Variants in DOCK8 observed in about 807,000 individuals in gnomAD.
DOCK8 encodes the protein dedicator of cytokinesis 8, also known as dedicator of cytokinesis protein 8.
Under a neutral mutation model 245.6 loss-of-function variants are expected in DOCK8, and 141 were observed. That is an observed-to-expected ratio of 0.57 (90% CI 0.50 to 0.66). DOCK8 has a LOEUF of 0.66. Among genes scored for constraint, DOCK8 ranks in the 30% least tolerant of loss-of-function variants. The probability of loss-of-function intolerance (pLI) is 0.00; values close to 1 mark genes in which losing one functional copy is unlikely to be tolerated. For synonymous variants in DOCK8, 1,168 were observed against 970.2 expected (o/e 1.20, Z -3.79); for missense variants, 2,965 against 2,603.4 (o/e 1.14, Z -3.02).
At chr9:335,771 G>A (rs1388581625) in intron 11 of DOCK8, among the ~76,000 whole-genome samples, 1 of 152,130 alleles carries the variant, frequency 6.6e-6, no homozygotes. Context: ...ATGCAAAGAT[G>A]TCATGTATTA....
At position 429,770 on chromosome 9, in the gene DOCK8, C is replaced by G; in HGVS notation, c.4542C>G (p.His1514Gln). 6.2e-7 allele frequency: 1 copy of G among 1,614,196 alleles called. No homozygotes were observed. Among genetic ancestry groups the G allele is most frequent in the Non-Finnish European group, 8.5e-7 (1 of 1,180,038 alleles). ...CFDLCHQVLH[H>Q]CSSSMDVTRS... ...ACCTATGTCACCAAGTCCTGCACCA[C>G]TGCAGCAGCAGCATGGATGTCACCC... The change falls in exon 36 of 48, where the codon CAC becomes CAG. Residue 1514 changes from histidine to glutamine, a missense_variant. His to Gln is a conservative substitution (Grantham distance 24). Around this residue, in one of 3 missense-constraint regions of DOCK8, gnomAD observed 2,825 missense variants for 2,453.5 expected, o/e 1.15. Transcript: ENST00000432829.
chr9:214,690 C>T (rs1416668331), upstream of DOCK8: 18 of 1,575,194 alleles, frequency 1.1e-5, no homozygotes, highest in Admixed American at 2.4e-4. Context: ...CAGAGCGCGC[C>T]GTCTGCCCCA....
chr9:395,619 T>C (rs1056128233), intron 24 of DOCK8, among the ~76,000 whole-genome samples: 1 of 151,906 alleles, frequency 6.6e-6, no homozygotes, highest in Admixed American at 6.6e-5. Flanking sequence ...GTTTTCAGAG[T>C]GTAGGGACCC....
chr9:418,881 T>C (rs967378187), intron 30 of DOCK8, among the ~76,000 whole-genome samples: 3 of 144,560 alleles, frequency 2.1e-5, no homozygotes, highest in African/African-American at 7.8e-5. Flanking sequence ...TACAGTGTAA[T>C]GCCTCCAAAA....
In DOCK8 at chr9:463,718, G is replaced by A. The variant is rs527956342; in HGVS notation, c.6239+31G>A. 6 of 1,613,238 alleles carry A rather than the reference G, an allele frequency of 3.7e-6. No homozygotes were observed. In the South Asian group the frequency reaches 6.6e-5, roughly 18 times the overall value. ...AACAGGGCAGAGGAGGCCTCTTCCTGTGGGATAAAGAGCAGCGCATGGGGC... is the reference window on the plus strand; with the variant it reads ...AACAGGGCAGAGGAGGCCTCTTCCTATGGGATAAAGAGCAGCGCATGGGGC... On this transcript the variant is annotated intron_variant, in intron 47 of 47. Coordinates refer to ENST00000432829, the MANE Select transcript of DOCK8 (RefSeq NM_203447.4).
chr9:368,873 G>A (rs1452745453), intron 15 of DOCK8: 1 of 137,272 alleles, frequency 7.3e-6, no homozygotes, highest in African/African-American at 2.7e-5. Context: ...CCAGGCTGGA[G>A]TACAATGGCC....
intron 1 of DOCK8, among the ~76,000 whole-genome samples, chr9:263,630 T>C (rs963045387): frequency 1.3e-5 from 2 of 152,222 alleles, no homozygotes; most frequent in African/African-American, 2.4e-5. Context: ...TTTATTTTAG[T>C]ATGGCTCTGC....
At chr9:427,277 T>C (rs576549815) in intron 34 of DOCK8, among the ~76,000 whole-genome samples, 2 of 152,268 alleles carry the variant, frequency 1.3e-5, no homozygotes, top group Non-Finnish European at 2.9e-5. Context: ...AATATGGATG[T>C]TGGGTTTATC....
At chr9:211,769 C>T (rs766878043), upstream of DOCK8, among the ~76,000 whole-genome samples, 8 of 152,086 alleles carry the variant, frequency 5.3e-5, no homozygotes, top group Non-Finnish European at 8.8e-5. Flanking sequence ...GACCGTGTGA[C>T]TTACTCGGGA....
chr9:221,938 A>T (rs973727289), intron 1 of DOCK8, among the ~76,000 whole-genome samples: 4 of 151,946 alleles, frequency 2.6e-5, no homozygotes, highest in African/African-American at 9.7e-5. Context: ...TTATTAAATT[A>T]ATTTTCTATT....
upstream of DOCK8, among the ~76,000 whole-genome samples, chr9:211,353 G>A (rs1483600794): frequency 1.3e-5 from 2 of 152,062 alleles, no homozygotes; most frequent in East Asian, 1.9e-4. Context: ...GTGGGCATAC[G>A]AGCTAGCTAG....
chr9:444,151 T>C (rs1185604987), intron 43 of DOCK8, among the ~76,000 whole-genome samples: 2 of 151,980 alleles, frequency 1.3e-5, no homozygotes. Context: ...TGTACAGTTC[T>C]GATGCTAACA....
chr9:363,188 A>C (rs912733926), intron 14 of DOCK8, among the ~76,000 whole-genome samples: 1 of 152,224 alleles, frequency 6.6e-6, no homozygotes, highest in Non-Finnish European at 1.5e-5. Flanking sequence ...ATGTGACTGA[A>C]AAAAACCACT....
At position 441,390 on chromosome 9, in the gene DOCK8, G is replaced by A. The variant is rs2131810189; in HGVS notation, c.5328G>A (p.Gln1776=). Reference sequence around the variant, plus strand: ...TGACACTCACTCACAGCAAGCTGCAGAGAGCCTTCGACAGCATCGTTAACA... The same window carrying A: ...TGACACTCACTCACAGCAAGCTGCAAAGAGCCTTCGACAGCATCGTTAACA... The part of the protein sequence containing the change: ...RKLTLTHSKL[Q]RAFDSIVNKD... Residue 1776 remains glutamine (Q), a synonymous_variant, in exon 41 of 48, where the codon CAG becomes CAA. Transcript: ENST00000432829. 1 of 1,614,200 alleles carries A rather than the reference G, an allele frequency of 6.2e-7. No individual in the cohort carries two copies. The highest frequency in any genetic ancestry group is 8.5e-7 in the Non-Finnish European group (1 of 1,180,038).
At chr9:309,983 C>T (rs186955784) in intron 5 of DOCK8, among the ~76,000 whole-genome samples, 30 of 152,226 alleles carry the variant, frequency 2.0e-4, no homozygotes, top group South Asian at 2.1e-4. Flanking sequence ...AAGAAGTCAT[C>T]GTGGCCAAGC....
intron 46 of DOCK8, among the ~76,000 whole-genome samples, chr9:458,597 C>A (rs1439827606): frequency 6.6e-6 from 1 of 152,122 alleles, no homozygotes; most frequent in Non-Finnish European, 1.5e-5. Context: ...ATCACTTGAG[C>A]TCACAAGTTC....
chr9:374,453 G>GTTTTTTTTTT (rs762085208), intron 18 of DOCK8, among the ~76,000 whole-genome samples: 3 of 75,348 alleles, frequency 4.0e-5, no homozygotes, highest in African/African-American at 5.5e-5. Context: ...GTCCTTTTGT[G>GTTTTTTTTTT]TTTTTTTTTT....
chr9:405,169 T>A, intron 27 of DOCK8, 96 bp downstream of exon 27: 1 of 1,295,982 alleles, frequency 7.7e-7, no homozygotes, highest in Non-Finnish European at 1.1e-6. Flanking sequence ...TTAGTCTTAT[T>A]AATTTGACAA....
chr9:433,985 C>T lies in DOCK8; in HGVS notation c.4886+10C>T. 1 of 1,593,488 alleles carries T rather than the reference C, an allele frequency of 6.3e-7. No homozygotes were observed. The highest frequency in any genetic ancestry group is 8.6e-7 in the Non-Finnish European group (1 of 1,161,044). On this transcript the variant is annotated intron_variant, in intron 38 of 47. Transcript: ENST00000432829. ...TGGATCTCATGTACAGGTAAGCTTTCCTGACACACTCAAGGGACACCATTT... is the reference window on the plus strand; with the variant it reads ...TGGATCTCATGTACAGGTAAGCTTTTCTGACACACTCAAGGGACACCATTT...
Sources: gnomAD v4.1 joint callset for allele counts (sites outside exome capture counted in the v4.1 genomes callset) on GRCh38, gnomAD v4.1.1 for gene constraint, gnomAD v4.1.1 regional missense constraint, MANE v1.5 for transcripts, NCBI Gene and HGNC (gene_info 2026-07-23, HGNC 2026-07-21) for gene names.